Variants in ZC3H12B observed in about 807,000 individuals in gnomAD.
The protein encoded by ZC3H12B is zinc finger CCCH-type containing 12B, also known as probable ribonuclease ZC3H12B.
Under a neutral mutation model 43.9 loss-of-function variants are expected in ZC3H12B, and 7 were observed. The ratio of observed to expected loss-of-function variants is 0.16; its 90% confidence interval spans 0.09 to 0.30. ZC3H12B has a LOEUF of 0.30. ZC3H12B is among the 10% of genes least tolerant of loss of function. ZC3H12B has a pLI of 1.00. For synonymous variants in ZC3H12B, 222 were observed against 241.7 expected (o/e 0.92, Z 0.76); for missense variants, 475 against 670.2 (o/e 0.71, Z 3.22).
At chrX:65,244,747 A>AAAAAG in the ZC3H12B span, among the ~76,000 whole-genome samples, 59 of 107,798 alleles carry the variant, frequency 5.5e-4, no homozygotes, top group East Asian at 0.015. Context: ...AAAAAAAAAA[A>AAAAAG]AAAAGAAAAC....
At chrX:65,212,316 T>TAA in the ZC3H12B span, among the ~76,000 whole-genome samples, 17 of 3,124 alleles carry the variant, frequency 5.4e-3, no homozygotes, top group Admixed American at 0.01. Flanking sequence ...AATATAATTA[T>TAA]TATATTTATA....
At chrX:65,162,787 C>T in the ZC3H12B span, among the ~76,000 whole-genome samples, 3 of 112,478 alleles carry the variant, frequency 2.7e-5, no homozygotes, top group Admixed American at 2.8e-4. Flanking sequence ...ATTCTCTGTC[C>T]AGCTTTGCTC....
intron 3 of ZC3H12B, among the ~76,000 whole-genome samples, chrX:65,431,063 T>C (rs1363646119): frequency 8.9e-6 from 1 of 112,128 alleles, no homozygotes; most frequent in African/African-American, 3.2e-5. Context: ...TTCAAGATGG[T>C]AGGGAACATG....
chrX:65,343,829 A>G, the ZC3H12B span, among the ~76,000 whole-genome samples: 1 of 111,715 alleles, frequency 9.0e-6, no homozygotes, highest in Non-Finnish European at 1.9e-5. Flanking sequence ...CACCAGATCC[A>G]TAAGGCAAGA....
chrX:65,212,548 ATATT>A, the ZC3H12B span, among the ~76,000 whole-genome samples: 1 of 77,158 alleles, frequency 1.3e-5, no homozygotes, highest in African/African-American at 5.2e-5. Flanking sequence ...GTATATTTAT[ATATT>A]ATATTATATG....
At chrX:65,360,295 C>T in the ZC3H12B span, among the ~76,000 whole-genome samples, 5 of 112,291 alleles carry the variant, frequency 4.5e-5, no homozygotes, top group Non-Finnish European at 7.5e-5. Context: ...TATTCTTGTA[C>T]TTTAACTGGA....
the ZC3H12B span, among the ~76,000 whole-genome samples, chrX:65,296,128 G>A: frequency 1.8e-5 from 2 of 111,899 alleles, no homozygotes; most frequent in South Asian, 3.6e-4. Context: ...ATCAGTCAAC[G>A]AATGAATAAA....
intron 1 of ZC3H12B, among the ~76,000 whole-genome samples, chrX:65,367,472 C>T (rs774504943): frequency 9.0e-6 from 1 of 111,572 alleles, no homozygotes; most frequent in East Asian, 2.8e-4. Context: ...CATAAAGCTA[C>T]ATACCATTTT....
intron 3 of ZC3H12B, among the ~76,000 whole-genome samples, chrX:65,424,940 T>G (rs1055284959): frequency 1.8e-5 from 2 of 111,619 alleles, no homozygotes; most frequent in Non-Finnish European, 1.9e-5. Flanking sequence ...ATTGTCTTGT[T>G]TTTTTGGGCT....
chrX:65,413,538 A>AT (rs752253338), intron 3 of ZC3H12B, among the ~76,000 whole-genome samples: 142 of 111,775 alleles, frequency 1.3e-3, no homozygotes, highest in African/African-American at 4.4e-3. Context: ...TAAAACTATT[A>AT]TTTTTTCTCT....
the ZC3H12B span, among the ~76,000 whole-genome samples, chrX:65,358,759 TCACA>T: frequency 1.8e-5 from 2 of 111,067 alleles, no homozygotes; most frequent in African/African-American, 6.6e-5. Context: ...CACCCTAACA[TCACA>T]ATTAAAAGAA....
chrX:65,449,342 G>A (rs1418638388), intron 3 of ZC3H12B, among the ~76,000 whole-genome samples: 2 of 111,823 alleles, frequency 1.8e-5, no homozygotes, highest in African/African-American at 6.5e-5. Context: ...ATGTGGGCCA[G>A]GCATGGTGGT....
chrX:65,217,475 G>A, the ZC3H12B span, among the ~76,000 whole-genome samples: 2 of 111,864 alleles, frequency 1.8e-5, no homozygotes, highest in African/African-American at 6.5e-5. Context: ...AGGCACTAGT[G>A]ACCAATCCTG....
chrX:65,227,102 C>A, the ZC3H12B span, among the ~76,000 whole-genome samples: 1 of 111,454 alleles, frequency 9.0e-6, no homozygotes, highest in Non-Finnish European at 1.9e-5. Flanking sequence ...CCACACCACA[C>A]CTATTCCAAA....
chrX:65,502,858 T>A, exon 5 of ZC3H12B: 3 of 1,210,843 alleles, frequency 2.5e-6, no homozygotes, highest in Non-Finnish European at 3.4e-6. Flanking sequence ...AAAGACGACC[T>A]CCCCTGTGCC....
intron 3 of ZC3H12B, among the ~76,000 whole-genome samples, chrX:65,441,713 G>C (rs1018438304): frequency 9.0e-6 from 1 of 111,620 alleles, no homozygotes. Flanking sequence ...GTCCCTGCTG[G>C]TAAGGGTCCA....
At chrX:65,429,901 G>A (rs760363317) in intron 3 of ZC3H12B, among the ~76,000 whole-genome samples, 1 of 112,308 alleles carries the variant, frequency 8.9e-6, no homozygotes, top group South Asian at 3.7e-4. Flanking sequence ...GAATGGCTGA[G>A]TCAACTAGGC....
At chrX:65,179,196 G>T in the ZC3H12B span, among the ~76,000 whole-genome samples, 2 of 109,553 alleles carry the variant, frequency 1.8e-5, no homozygotes, top group Non-Finnish European at 3.8e-5. Context: ...TCATAAGTGG[G>T]AGTTGAACAA....
the ZC3H12B span, among the ~76,000 whole-genome samples, chrX:65,075,459 C>G: frequency 8.9e-6 from 1 of 112,248 alleles, no homozygotes; most frequent in Admixed American, 9.4e-5. Context: ...TCACTTACAT[C>G]TCTTTTGTTT....
Sources: gnomAD v4.1 joint callset for allele counts (sites outside exome capture counted in the v4.1 genomes callset) on GRCh38, gnomAD v4.1.1 for gene constraint, MANE v1.5 for transcripts, NCBI Gene and HGNC (gene_info 2026-07-23, HGNC 2026-07-21) for gene names.